The following TMEM132D variants were observed in gnomAD, a reference collection of about 807,000 sequenced individuals.
TMEM132D encodes mature OL transmembrane protein.
A neutral mutation model predicts 62.3 loss-of-function variants in TMEM132D; 21 were observed. The observed-to-expected ratio is 0.34, with a 90% CI of 0.24 to 0.49. The LOEUF (loss-of-function observed/expected upper bound fraction) is 0.49. Ranked by LOEUF, TMEM132D falls within the 20% of genes least tolerant of loss-of-function variation. The pLI is 0.99. For missense variants in TMEM132D, 1,346 were observed against 1,402.8 expected (o/e 0.96, Z 0.65); for synonymous variants, 621 against 575.6 (o/e 1.08, Z -1.13).
At chr12:129,087,916 C>T (rs1329248837) in intron 5 of TMEM132D, among the ~76,000 whole-genome samples, 1,192 of 117,302 alleles carry the variant, frequency 0.01, 193 homozygotes, top group African/African-American at 0.047. Context: ...CCGGGGTGTC[C>T]TCCCTGACCG....
chr12:129,689,168 C>G (rs1373886283), intron 2 of TMEM132D, among the ~76,000 whole-genome samples: 2 of 151,382 alleles, frequency 1.3e-5, no homozygotes, highest in Admixed American at 1.3e-4. Flanking sequence ...CAAACTTAGC[C>G]TTGGGGGTTG....
intron 1 of TMEM132D, among the ~76,000 whole-genome samples, chr12:129,893,056 T>C (rs781468319): frequency 7.9e-5 from 12 of 152,134 alleles, no homozygotes; most frequent in African/African-American, 2.7e-4. Flanking sequence ...TTTGTGCTTT[T>C]AGTAGAGACA....
intron 5 of TMEM132D, among the ~76,000 whole-genome samples, chr12:129,169,008 C>A (rs1042187906): frequency 6.6e-6 from 1 of 152,200 alleles, no homozygotes; most frequent in East Asian, 1.9e-4. Context: ...CTCTAAGAAT[C>A]TACCTTTCAA....
rs188210269 is a variant in TMEM132D at position 129,148,399 on chromosome 12, A to G, written c.1443+61121T>C. 2.0e-3 allele frequency among the ~76,000 whole-genome samples: 306 copies of G among 152,270 alleles called. 1 individual carries two copies. The highest frequency in any genetic ancestry group is 0.014 in the Middle Eastern group (4 of 294). On this transcript the variant is annotated intron_variant, in intron 5 of 8. Coordinates refer to ENST00000422113, the MANE Select transcript of TMEM132D (RefSeq NM_133448.3). ...TTATCCTGGTTTATCTGGGTAGCCC[A>G]ATGTCATCACAAGGGTCCTTAAAAG... is the stretch of plus-strand genomic sequence containing the variant.
At chr12:129,180,928 G>C (rs528691814) in intron 5 of TMEM132D, among the ~76,000 whole-genome samples, 80 of 152,232 alleles carry the variant, frequency 5.3e-4, no homozygotes, top group African/African-American at 1.9e-3. Context: ...ATGTTTTCTT[G>C]GTGGGATGAG....
At chr12:129,097,024 A>T (rs967752127) in intron 5 of TMEM132D, among the ~76,000 whole-genome samples, 1 of 152,204 alleles carries the variant, frequency 6.6e-6, no homozygotes, top group Non-Finnish European at 1.5e-5. Flanking sequence ...CTGATAGGAA[A>T]TCATTTTAAT....
intron 3 of TMEM132D, among the ~76,000 whole-genome samples, chr12:129,508,843 A>G (rs998077241): frequency 2.6e-5 from 4 of 152,176 alleles, no homozygotes; most frequent in Non-Finnish European, 4.4e-5. Context: ...GATTTCTCCT[A>G]CGTAGGGAAC....
intron 3 of TMEM132D, among the ~76,000 whole-genome samples, chr12:129,516,468 G>A (rs769353143): frequency 2.9e-4 from 44 of 152,310 alleles, no homozygotes; most frequent in South Asian, 8.3e-4. Context: ...AAGGTGAAAG[G>A]CACATCTTAC....
chr12:129,231,868 A>G (rs966944301), intron 4 of TMEM132D, among the ~76,000 whole-genome samples: 1 of 152,200 alleles, frequency 6.6e-6, no homozygotes, highest in African/African-American at 2.4e-5. Context: ...GGTCCAGAGA[A>G]GTGGTTCTCA....
At position 129,078,606 on chromosome 12, in the gene TMEM132D, C is replaced by T. The variant is rs2135611170; in HGVS notation, c.2043G>A (p.Gln681=). The part of the protein sequence containing the change: ...QLVTGLSLSL[Q]LSPGSNRAIF... ...TGGCCCTGTTGCTTCCTGGGCTGAG[C>T]TGCAAGGAGAGTGACAGCCCTGTCA... is the stretch of plus-strand genomic sequence containing the variant. Residue 681 remains glutamine, a synonymous_variant, in exon 8 of 9, where the codon CAG becomes CAA. Coordinates refer to ENST00000422113, the MANE Select transcript of TMEM132D (RefSeq NM_133448.3). The T allele has an allele frequency of 6.2e-7, 1 of 1,614,146 alleles. No homozygotes were observed. The highest frequency in any genetic ancestry group is 2.2e-5 in the East Asian group (1 of 44,866).
At chr12:129,717,476 A>C (rs1326344418) in intron 1 of TMEM132D, among the ~76,000 whole-genome samples, 3 of 150,364 alleles carry the variant, frequency 2.0e-5, no homozygotes, top group Non-Finnish European at 4.4e-5. Context: ...TATTTAATAA[A>C]ATTTTAATAA....
At chr12:129,417,565 G>A (rs533501412) in intron 3 of TMEM132D, among the ~76,000 whole-genome samples, 4 of 152,222 alleles carry the variant, frequency 2.6e-5, no homozygotes, top group Admixed American at 6.5e-5. Context: ...ATGGATTAAA[G>A]ACTTAAACAT....
chr12:129,185,781 A>G (rs61944830), intron 5 of TMEM132D, among the ~76,000 whole-genome samples: 10,305 of 37,852 alleles, frequency 0.27, 395 homozygotes, highest in Middle Eastern at 0.37. Context: ...CTGTCTATCT[A>G]TCTATCTATC....
At chr12:129,693,035 A>G (rs189187124) in intron 2 of TMEM132D, among the ~76,000 whole-genome samples, 44 of 152,330 alleles carry the variant, frequency 2.9e-4, no homozygotes, top group Admixed American at 3.9e-4. Context: ...ATGTACAATA[A>G]GTTTTGATAA....
Position 129,399,110 on chromosome 12 carries a change from G to A in TMEM132D, c.1116-61293C>T, listed in dbSNP as rs74958767. On this transcript the variant is annotated intron_variant, in intron 3 of 8. Coordinates refer to ENST00000422113, the MANE Select transcript of TMEM132D (RefSeq NM_133448.3). ...GGGGACTGAACTTATCCTTGTATCA[G>A]GAGCCCATTCCAGTGATAACCAACC... Among the ~76,000 whole-genome samples the A allele has an allele frequency of 9.6e-3, 1,341 of 139,388 alleles. 33 individuals carry two copies. Among genetic ancestry groups the A allele is most frequent in the African/African-American group, 0.028 (903 of 31,986 alleles). 91.4% of individuals were successfully genotyped at this position (139,388 alleles called of 152,430 possible). A position where few individuals can be genotyped will look rare whatever the true frequency, so the allele number is the denominator to read the frequency against.
chr12:129,302,884 G>C (rs1015620439), intron 4 of TMEM132D, among the ~76,000 whole-genome samples: 1 of 152,126 alleles, frequency 6.6e-6, no homozygotes, highest in Admixed American at 6.5e-5. Flanking sequence ...CAGAGGCCTG[G>C]ATCCCAAAGA....
chr12:129,635,265 CTCTT>C (rs1304223196), intron 2 of TMEM132D, among the ~76,000 whole-genome samples: 1 of 152,236 alleles, frequency 6.6e-6, no homozygotes, highest in African/African-American at 2.4e-5. Context: ...ATTTCCATCC[CTCTT>C]TCTTTCTCTC....
chr12:129,585,813 G>A (rs998933580), intron 2 of TMEM132D, among the ~76,000 whole-genome samples: 98 of 103,514 alleles, frequency 9.5e-4, no homozygotes, highest in African/African-American at 3.9e-3. Context: ...AGATATGCAT[G>A]CATGTGTGTG....
At chr12:129,467,542 C>T (rs542832213) in intron 3 of TMEM132D, among the ~76,000 whole-genome samples, 1 of 152,274 alleles carries the variant, frequency 6.6e-6, no homozygotes, top group Admixed American at 6.5e-5. Flanking sequence ...ATCACTTGCA[C>T]CTGCTACTGT....
Sources: gnomAD v4.1 joint callset for allele counts (sites outside exome capture counted in the v4.1 genomes callset) on GRCh38, gnomAD v4.1.1 for gene constraint, MANE v1.5 for transcripts, NCBI Gene and HGNC (gene_info 2026-07-23, HGNC 2026-07-21) for gene names.